The following LSAMP variants were observed in gnomAD, a reference collection of about 807,000 sequenced individuals.
LSAMP encodes the protein limbic system-associated membrane protein.
In LSAMP, 7 loss-of-function variants were observed where a neutral mutation model predicts 38.6. The observed-to-expected ratio is 0.18, with a 90% confidence interval of 0.10 to 0.34. The LOEUF (loss-of-function observed/expected upper bound fraction) is 0.34. LSAMP is among the 10% of genes least tolerant of loss of function. The pLI is 1.00. For missense variants in LSAMP, 313 were observed against 420.0 expected, an observed-to-expected ratio of 0.75 and a Z score of 2.23; for synonymous variants, 154 against 166.8, an observed-to-expected ratio of 0.92 and a Z score of 0.59.
At chr3:116,062,739 G>A (rs1036921278) in intron 2 of LSAMP, among the ~76,000 whole-genome samples, 1 of 152,066 alleles carries the variant, frequency 6.6e-6, no homozygotes, top group Admixed American at 6.5e-5. Context: ...ATTTATTTCT[G>A]AAATTGACTT....
intron 1 of LSAMP, among the ~76,000 whole-genome samples, chr3:116,273,893 T>C (rs2047013526): frequency 6.7e-6 from 1 of 148,268 alleles, no homozygotes; most frequent in Non-Finnish European, 1.5e-5. Flanking sequence ...AACACCTTCC[T>C]AGCATGCATT....
chr3:115,976,794 C>T (rs1221344525), intron 3 of LSAMP, among the ~76,000 whole-genome samples: 2 of 152,180 alleles, frequency 1.3e-5, no homozygotes, highest in African/African-American at 4.8e-5. Flanking sequence ...AACTCTCTTT[C>T]TCCTCTGCTG....
At chr3:116,031,579 T>A (rs1940926396) in intron 2 of LSAMP, among the ~76,000 whole-genome samples, 2 of 86,180 alleles carry the variant, frequency 2.3e-5, no homozygotes, top group Non-Finnish European at 4.8e-5. Context: ...TTTTTTTTTT[T>A]TTTTTTTTTT....
In LSAMP at chr3:116,401,098, T is replaced by C. The variant is rs191612437; in HGVS notation, c.155+43779A>G. Among the ~76,000 whole-genome samples the C allele has an allele frequency of 9.2e-5, 14 of 152,320 alleles. No homozygotes were observed. In the East Asian group the frequency reaches 2.5e-3, roughly 27 times the overall value. On this transcript the variant is annotated intron_variant, in intron 1 of 6. Transcript: ENST00000490035. ...CCTGGCCTCCAGGACATCCAGGATATGAGCCAGATAAGGGCTAACAACAAA... is the reference window on the plus strand; with the variant it reads ...CCTGGCCTCCAGGACATCCAGGATACGAGCCAGATAAGGGCTAACAACAAA...
At chr3:116,143,525 A>T (rs1018392488) in intron 1 of LSAMP, among the ~76,000 whole-genome samples, 1 of 151,950 alleles carries the variant, frequency 6.6e-6, no homozygotes, top group African/African-American at 2.4e-5. Context: ...TGTTCTCCAT[A>T]ATGTGCTTAT....
At chr3:116,311,051 T>C (rs1267924648) in intron 1 of LSAMP, among the ~76,000 whole-genome samples, 1 of 151,954 alleles carries the variant, frequency 6.6e-6, no homozygotes, top group East Asian at 1.9e-4. Flanking sequence ...AATAACAAGA[T>C]CTATTCAAAT....
At chr3:115,868,824 G>A (rs534045813) in intron 3 of LSAMP, among the ~76,000 whole-genome samples, 112 of 152,082 alleles carry the variant, frequency 7.4e-4, no homozygotes, top group African/African-American at 2.5e-3. Flanking sequence ...AATACAAGAA[G>A]AAAATATTTG....
intron 1 of LSAMP, among the ~76,000 whole-genome samples, chr3:116,173,795 T>TG (rs11441679): frequency 0.78 from 113,907 of 146,954 alleles, 43,958 homozygotes; most frequent in Middle Eastern, 0.87. Context: ...TTTTTTTTTT[T>TG]TTAACAATTG....
In LSAMP at chr3:115,908,392, G is replaced by C. The variant is rs1322950014; in HGVS notation, c.515-55775C>G. On this transcript the variant is annotated intron_variant, in intron 3 of 6. Transcript: ENST00000490035. The stretch of plus-strand genomic sequence containing the variant: ...ATCTTGCTATTATCTAGCTAACAGA[G>C]AAGCTTTAGTATATCTGTCTACCTG... 3.3e-5 allele frequency among the ~76,000 whole-genome samples: 5 copies of C among 151,722 alleles called. 1 individual carries two copies. Among genetic ancestry groups the C allele is most frequent in the Admixed American group, 3.3e-4 (5 of 15,212 alleles).
At chr3:115,836,575 ATATATGCTGTGGCTATATGCACAGC>A (rs1463550224) in intron 6 of LSAMP, among the ~76,000 whole-genome samples, 12 of 152,300 alleles carry the variant, frequency 7.9e-5, no homozygotes, top group South Asian at 2.1e-4. Context: ...GGTTGGCCCT[ATATATGCTGTGGCTATATGCACAGC>A]TATATGCTGT....
chr3:116,390,130 T>TACACACACACACACACAC, intron 1 of LSAMP, among the ~76,000 whole-genome samples: 1 of 131,552 alleles, frequency 7.6e-6, no homozygotes, highest in Non-Finnish European at 1.6e-5. Flanking sequence ...TGTATGTATG[T>TACACACACACACACACAC]ATACACACAC....
chr3:116,003,131 G>A (rs746793793), intron 3 of LSAMP, among the ~76,000 whole-genome samples: 10 of 152,304 alleles, frequency 6.6e-5, no homozygotes, highest in Non-Finnish European at 1.2e-4. Flanking sequence ...CAACAGTAAT[G>A]AGAAAGTTCT....
At chr3:116,147,680 C>A (rs1037402453) in intron 1 of LSAMP, among the ~76,000 whole-genome samples, 26 of 151,914 alleles carry the variant, frequency 1.7e-4, no homozygotes, top group African/African-American at 6.0e-4. Context: ...CATATTTAGT[C>A]CTCGGGTCCA....
intron 1 of LSAMP, among the ~76,000 whole-genome samples, chr3:116,103,141 T>G (rs1708385142): frequency 6.6e-6 from 1 of 152,174 alleles, no homozygotes; most frequent in Non-Finnish European, 1.5e-5. Context: ...AATCATTGTA[T>G]TCTGTCCTGA....
chr3:115,925,343 G>A (rs1259845981), intron 3 of LSAMP, among the ~76,000 whole-genome samples: 1 of 152,096 alleles, frequency 6.6e-6, no homozygotes. Flanking sequence ...GAACTCAAAG[G>A]TATTCAAGAA....
chr3:115,910,236 T>C (rs1321746276), intron 3 of LSAMP, among the ~76,000 whole-genome samples: 2 of 152,184 alleles, frequency 1.3e-5, no homozygotes, highest in African/African-American at 4.8e-5. Flanking sequence ...CAAGCACTCC[T>C]CAAAGTTTTT....
At position 116,206,147 on chromosome 3, in the gene LSAMP, G is replaced by C. The variant is rs1424204984; in HGVS notation, c.156-119591C>G. On this transcript the variant is annotated intron_variant, in intron 1 of 6. Coordinates refer to ENST00000490035, the MANE Select transcript of LSAMP (RefSeq NM_002338.5). ...TTAGTCTTGGGAGAGTGTATGTGTT[G>C]AGGAATTTATCCATTTCTTCTAGAT... Among the ~76,000 whole-genome samples the C allele has an allele frequency of 5.3e-5, 8 of 150,080 alleles. No homozygotes were observed. In the South Asian group the frequency reaches 1.7e-3, roughly 32 times the overall value.
intron 3 of LSAMP, among the ~76,000 whole-genome samples, chr3:115,924,745 T>C (rs1235614387): frequency 6.6e-6 from 1 of 152,202 alleles, no homozygotes; most frequent in Non-Finnish European, 1.5e-5. Flanking sequence ...AAAATTATGC[T>C]TAAATAAATG....
intron 1 of LSAMP, among the ~76,000 whole-genome samples, chr3:116,428,136 T>C (rs540304631): frequency 6.6e-6 from 1 of 152,320 alleles, no homozygotes; most frequent in South Asian, 2.1e-4. Context: ...TTATGTGAAT[T>C]TCCTACCTAT....
Sources: gnomAD v4.1 joint callset for allele counts (sites outside exome capture counted in the v4.1 genomes callset) on GRCh38, gnomAD v4.1.1 for gene constraint, MANE v1.5 for transcripts, NCBI Gene and HGNC (gene_info 2026-07-23, HGNC 2026-07-21) for gene names.